Variants in ARHGAP10 observed in about 807,000 individuals in gnomAD.
ARHGAP10 encodes rho GTPase-activating protein 10.
A neutral mutation model predicts 108.6 loss-of-function variants in ARHGAP10; 87 were observed. The ratio of observed to expected loss-of-function variants is 0.80; its 90% CI spans 0.67 to 0.96. The LOEUF (loss-of-function observed/expected upper bound fraction) is 0.96. Among genes scored for constraint, ARHGAP10 ranks in the 40% least tolerant of loss-of-function variants. The pLI is 0.00. For synonymous variants in ARHGAP10, 347 were observed against 341.1 expected (o/e 1.02, Z -0.19); for missense variants, 939 against 954.5 (o/e 0.98, Z 0.21).
At chr4:147,867,863 CAAAAAA>C (rs56740685) in intron 7 of ARHGAP10, among the ~76,000 whole-genome samples, 1 of 56,900 alleles carries the variant, frequency 1.8e-5, no homozygotes, top group Non-Finnish European at 3.4e-5. Flanking sequence ...GACTCTGTCT[CAAAAAA>C]AAAAAAAAAA....
intron 7 of ARHGAP10, among the ~76,000 whole-genome samples, chr4:147,872,120 A>T (rs1181358129): frequency 6.8e-6 from 1 of 148,050 alleles, no homozygotes; most frequent in Non-Finnish European, 1.5e-5. Context: ...AAAAAAAAAA[A>T]GCCTTCCATT....
chr4:147,869,623 A>G (rs1028564643), intron 7 of ARHGAP10, among the ~76,000 whole-genome samples: 3 of 151,384 alleles, frequency 2.0e-5, no homozygotes, highest in Non-Finnish European at 4.4e-5. Context: ...TCACTTAAGG[A>G]TGTGGTCATC....
chr4:147,984,680 G>A (rs541789184), intron 18 of ARHGAP10, among the ~76,000 whole-genome samples: 5 of 152,334 alleles, frequency 3.3e-5, no homozygotes, highest in East Asian at 1.9e-4. Flanking sequence ...GACTAACCTC[G>A]TTCCTGAGTG....
intron 15 of ARHGAP10, among the ~76,000 whole-genome samples, chr4:147,947,395 C>T (rs1738428151): frequency 6.6e-6 from 1 of 151,912 alleles, no homozygotes; most frequent in African/African-American, 2.4e-5. Flanking sequence ...AAACGAATGG[C>T]CTAGGACCAG....
At chr4:148,020,395 A>AC (rs1421872671) in intron 18 of ARHGAP10, among the ~76,000 whole-genome samples, 1 of 151,796 alleles carries the variant, frequency 6.6e-6, no homozygotes, top group Non-Finnish European at 1.5e-5. Flanking sequence ...TCAACCCATC[A>AC]CCTAGGTATT....
chr4:147,856,220 C>T (rs1238280435), intron 4 of ARHGAP10, among the ~76,000 whole-genome samples: 1 of 152,202 alleles, frequency 6.6e-6, no homozygotes, highest in Non-Finnish European at 1.5e-5. Flanking sequence ...TCTCAAAAAG[C>T]TTCTATAGCA....
At chr4:148,018,657 A>G (rs1000692450) in intron 18 of ARHGAP10, among the ~76,000 whole-genome samples, 1 of 152,112 alleles carries the variant, frequency 6.6e-6, no homozygotes, top group Non-Finnish European at 1.5e-5. Context: ...CAGAACATGT[A>G]GAAGGGGATG....
At chr4:148,057,721 C>G (rs1306382722) in intron 20 of ARHGAP10, among the ~76,000 whole-genome samples, 2 of 152,240 alleles carry the variant, frequency 1.3e-5, no homozygotes, top group Non-Finnish European at 2.9e-5. Context: ...TCCACTCTTC[C>G]TCTGAGGGAC....
chr4:147,881,974 T>C (rs1560807521), intron 10 of ARHGAP10, 42 bp downstream of exon 10: 1 of 1,577,332 alleles, frequency 6.3e-7, no homozygotes, highest in East Asian at 2.2e-5. Flanking sequence ...AGAGTCGTTT[T>C]AAAAAAATGA....
intron 12 of ARHGAP10, among the ~76,000 whole-genome samples, chr4:147,912,560 T>G (rs941023395): frequency 0.13 from 767 of 5,956 alleles, 14 homozygotes; most frequent in Non-Finnish European, 0.27. Context: ...TATATATATA[T>G]ATATATATAT....
chr4:147,769,561 T>G (rs1192835108), intron 1 of ARHGAP10, among the ~76,000 whole-genome samples: 1 of 152,188 alleles, frequency 6.6e-6, no homozygotes, highest in Non-Finnish European at 1.5e-5. Context: ...TGTTAACAAG[T>G]TCTTTCTACA....
chr4:147,974,674 G>C (rs79590127), intron 18 of ARHGAP10, among the ~76,000 whole-genome samples: 1 of 152,268 alleles, frequency 6.6e-6, no homozygotes, highest in East Asian at 1.9e-4. Context: ...ATTTCCTGAT[G>C]ATCAGGAGGT....
intron 21 of ARHGAP10, among the ~76,000 whole-genome samples, chr4:148,063,742 T>G (rs1197294787): frequency 6.6e-6 from 1 of 152,188 alleles, no homozygotes; most frequent in Admixed American, 6.5e-5. Context: ...CTCAGGTGCT[T>G]CTTCCTGTCA....
chr4:148,039,973 T>C (rs776996500), intron 19 of ARHGAP10, among the ~76,000 whole-genome samples: 4 of 152,216 alleles, frequency 2.6e-5, no homozygotes, highest in Non-Finnish European at 4.4e-5. Flanking sequence ...CTGTCTTAGT[T>C]TTCTGTTTTT....
intron 1 of ARHGAP10, among the ~76,000 whole-genome samples, chr4:147,765,524 G>A (rs765981688): frequency 9.9e-5 from 15 of 152,206 alleles, no homozygotes; most frequent in Non-Finnish European, 1.8e-4. Context: ...ATGAGGTTGG[G>A]TGTGGTGGCT....
At chr4:147,987,220 A>G (rs114650109) in intron 18 of ARHGAP10, among the ~76,000 whole-genome samples, 1 of 152,244 alleles carries the variant, frequency 6.6e-6, no homozygotes, top group Non-Finnish European at 1.5e-5. Flanking sequence ...CAGCAAAATC[A>G]TTGTAATTAA....
chr4:147,922,085 A>C (rs1322859929), intron 13 of ARHGAP10, among the ~76,000 whole-genome samples: 1 of 152,072 alleles, frequency 6.6e-6, no homozygotes, highest in African/African-American at 2.4e-5. Flanking sequence ...GGCAAGAGGA[A>C]TTGTCCAGGT....
In ARHGAP10 at chr4:147,961,719, G is replaced by T. The variant is rs111274014; in HGVS notation, c.1451-3305G>T. On this transcript the variant is annotated intron_variant, in intron 16 of 22. Transcript: ENST00000336498. ...TAACCTCCTCATTTTAGTAGAAAGG[G>T]GCTCTCAGTTGATAAAACTGGTGAT... 3.9e-5 allele frequency among the ~76,000 whole-genome samples: 6 copies of T among 151,996 alleles called. 2 individuals are homozygous for T. Among genetic ancestry groups the T allele is most frequent in the African/African-American group, 1.4e-4 (6 of 41,468 alleles).
intron 3 of ARHGAP10, among the ~76,000 whole-genome samples, chr4:147,838,621 C>G (rs905031836): frequency 6.6e-6 from 1 of 152,172 alleles, no homozygotes; most frequent in Admixed American, 6.5e-5. Flanking sequence ...GCAGCCTCAA[C>G]CTCTCGGCCT....
Sources: allele counts gnomAD v4.1 joint callset (sites outside exome capture counted in the v4.1 genomes callset), GRCh38; gene constraint gnomAD v4.1.1; transcripts MANE v1.5; gene names NCBI Gene and HGNC (gene_info 2026-07-23, HGNC 2026-07-21).